The following ATP2C2 variants were observed in gnomAD, a reference collection of about 807,000 sequenced individuals.
ATP2C2 encodes the protein calcium-transporting ATPase type 2C member 2.
ATP2C2 carries 171 observed loss-of-function variants against 110.8 expected under a neutral mutation model. The observed-to-expected ratio is 1.54, with a 90% CI of 1.36 to 1.75. The LOEUF is 1.75. Among genes scored for constraint, ATP2C2 ranks in the 40% most tolerant of loss-of-function variants. The probability of loss-of-function intolerance (pLI) is 0.00; values close to 1 mark genes in which losing one functional copy is unlikely to be tolerated. For missense variants in ATP2C2, 1,963 were observed against 1,235.0 expected (o/e 1.59, Z -8.84); for synonymous variants, 804 against 508.4 (o/e 1.58, Z -7.82).
Position 84,463,948 on chromosome 16 carries a change from AG to A in ATP2C2, c.*220del. The A allele has an allele frequency of 3.6e-6, 2 of 551,190 alleles. No homozygotes were observed. Among genetic ancestry groups the A allele is most frequent in the Non-Finnish European group, 6.5e-6 (2 of 307,826 alleles). 34.1% of individuals were successfully genotyped at this position (551,190 alleles called of 1,614,324 possible). ...CCCGCTGGCTGTGGGACAGACAGGG[AG>A]GGGCCTGTACAGAAACACCACACTG... On this transcript the variant is annotated 3_prime_UTR_variant, in exon 27 of 27. Coordinates refer to ENST00000262429, the MANE Select transcript of ATP2C2 (RefSeq NM_014861.4).
Position 84,453,137 on chromosome 16 carries a change from G to A in ATP2C2, c.1832-1G>A. On this transcript the variant is annotated splice_acceptor_variant, in intron 18 of 26. Coordinates refer to ENST00000262429, the MANE Select transcript of ATP2C2 (RefSeq NM_014861.4). LOFTEE classifies it high-confidence loss of function. ...GGCCCTCAGAACAGGTTCTTCTGAAGGAAGAAACATCGGCCTGTGCAACGG... is the reference window on the plus strand; with the variant it reads ...GGCCCTCAGAACAGGTTCTTCTGAAAGAAGAAACATCGGCCTGTGCAACGG... 6.2e-7 allele frequency: 1 copy of A among 1,608,004 alleles called. No individual in the cohort carries two copies.
intron 1 of ATP2C2, among the ~76,000 whole-genome samples, chr16:84,397,573 C>G (rs1012709657): frequency 6.9e-6 from 1 of 145,084 alleles, no homozygotes; most frequent in Non-Finnish European, 1.5e-5. Flanking sequence ...ATTCAGGAGG[C>G]TGAAGCAGGA....
At chr16:84,411,412 C>G (rs907348345) in intron 6 of ATP2C2, among the ~76,000 whole-genome samples, 1 of 152,192 alleles carries the variant, frequency 6.6e-6, no homozygotes, top group Non-Finnish European at 1.5e-5. Context: ...TTAATATCAT[C>G]TGCCCTGTCC....
intron 1 of ATP2C2, among the ~76,000 whole-genome samples, chr16:84,388,304 G>A (rs1904436578): frequency 6.6e-6 from 1 of 151,400 alleles, no homozygotes; most frequent in Non-Finnish European, 1.5e-5. Flanking sequence ...CAGCCTGGGT[G>A]AAAGAGCGAG....
chr16:84,386,923 T>C (rs528368329), intron 1 of ATP2C2, among the ~76,000 whole-genome samples: 2,133 of 73,382 alleles, frequency 0.029, 55 homozygotes, highest in African/African-American at 0.088. Context: ...TGTTTGTTTG[T>C]TTTGGTCCCT....
chr16:84,461,612 C>A, intron 24 of ATP2C2, 102 bp from the exon 25 acceptor site: 2 of 1,065,530 alleles, frequency 1.9e-6, no homozygotes, highest in Non-Finnish European at 2.9e-6. Flanking sequence ...TAAGTGGCTC[C>A]CAGCCATGCC....
chr16:84,429,081 T>C lies in ATP2C2; in HGVS notation c.986+3280T>C, dbSNP rs374361215. Among the ~76,000 whole-genome samples, 24 of 152,300 alleles carry C rather than the reference T, an allele frequency of 1.6e-4. No homozygotes were observed. The East Asian group carries it at 3.1e-3, about 20-fold the overall frequency. On this transcript the variant is annotated intron_variant, in intron 11 of 26. Transcript: ENST00000262429. ...TATTGAATGTAGGATGGTCTTGATCTCTAGTGAATTGGGGCTTTCTGGCTT... is the reference window on the plus strand; with the variant it reads ...TATTGAATGTAGGATGGTCTTGATCCCTAGTGAATTGGGGCTTTCTGGCTT...
intron 7 of ATP2C2, among the ~76,000 whole-genome samples, chr16:84,418,821 T>C (rs1433224362): frequency 1.3e-5 from 2 of 152,222 alleles, no homozygotes; most frequent in Non-Finnish European, 2.9e-5. Context: ...CTGTGGCAGA[T>C]GACCGCTTAC....
rs1259603787 is a variant in ATP2C2, at chr16:84,454,901, G to A, written c.2064G>A (p.Gly688=). The part of the protein sequence containing the change: ...DAVALKSADI[G]IAMGQTGTDV... ...TGGCCCTGAAGTCTGCAGACATTGGGATCGCCATGGGGCAGACAGGGACGG... is the reference window on the plus strand; with the variant it reads ...TGGCCCTGAAGTCTGCAGACATTGGAATCGCCATGGGGCAGACAGGGACGG... Residue 688 remains glycine, a synonymous_variant, in exon 21 of 27, where the codon GGG becomes GGA. Transcript: ENST00000262429. 6.2e-7 allele frequency: 1 copy of A among 1,613,950 alleles called. No homozygotes were observed. The highest frequency in any genetic ancestry group is 8.5e-7 in the Non-Finnish European group (1 of 1,180,000).
chr16:84,393,745 G>C (rs1904800969), intron 1 of ATP2C2, among the ~76,000 whole-genome samples: 1 of 151,716 alleles, frequency 6.6e-6, no homozygotes, highest in Admixed American at 6.6e-5. Context: ...CTATGGGTGT[G>C]GGGGGAGTGG....
At chr16:84,412,243 C>T (rs570467668) in intron 6 of ATP2C2, among the ~76,000 whole-genome samples, 2 of 151,454 alleles carry the variant, frequency 1.3e-5, no homozygotes, top group South Asian at 2.1e-4. Flanking sequence ...ATTTTTTAAA[C>T]CTGATTGTGT....
intron 1 of ATP2C2, among the ~76,000 whole-genome samples, chr16:84,383,131 G>T (rs1910681156): frequency 6.6e-6 from 1 of 152,204 alleles, no homozygotes; most frequent in Admixed American, 6.5e-5. Context: ...CTTGGGCACA[G>T]CTCAGTGGCC....
At position 84,463,862 on chromosome 16, in the gene ATP2C2, T is replaced by A; in HGVS notation, c.*130T>A. ...TCCATCACCGGATCAGTTTTTCCTCTTAGGAAAGCTGCAGGAACCTCGTGG... is the reference window on the plus strand; with the variant it reads ...TCCATCACCGGATCAGTTTTTCCTCATAGGAAAGCTGCAGGAACCTCGTGG... On this transcript the variant is annotated 3_prime_UTR_variant, in exon 27 of 27. Coordinates refer to ENST00000262429, the MANE Select transcript of ATP2C2 (RefSeq NM_014861.4). 1.2e-6 allele frequency: 1 copy of A among 833,510 alleles called. No homozygotes were observed. The highest frequency in any genetic ancestry group is 1.9e-6 in the Non-Finnish European group (1 of 521,304). 51.6% of individuals were successfully genotyped at this position (833,510 alleles called of 1,614,324 possible).
intron 2 of ATP2C2, among the ~76,000 whole-genome samples, chr16:84,401,478 T>G (rs1905317856): frequency 6.6e-6 from 1 of 152,102 alleles, no homozygotes; most frequent in African/African-American, 2.4e-5. Context: ...GTCCACCTCA[T>G]CTTTAATTCA....
chr16:84,400,428 G>A (rs141199948), intron 2 of ATP2C2, among the ~76,000 whole-genome samples: 5,683 of 151,530 alleles, frequency 0.038, 127 homozygotes, highest in East Asian at 0.063. Context: ...CTGGGTTCAC[G>A]CCATTCTTCT....
rs77965470 is a variant in ATP2C2, at chr16:84,431,801, C to G, written c.986+6000C>G. ...ACGCCACGCCAGGCTGTCTCTGTGA[C>G]ACTTTGGAAGCAGAGAGATGAAAAG... On this transcript the variant is annotated intron_variant, in intron 11 of 26. Coordinates refer to ENST00000262429, the MANE Select transcript of ATP2C2 (RefSeq NM_014861.4). Among the ~76,000 whole-genome samples the G allele has an allele frequency of 5.0e-3, 764 of 152,198 alleles. 17 individuals are homozygous for G. The highest frequency in any genetic ancestry group is 0.04 in the Admixed American group (614 of 15,290).
In ATP2C2 at chr16:84,417,779, C is replaced by T. The variant is rs8061865; in HGVS notation, c.624+2188C>T. Among the ~76,000 whole-genome samples, 1,138 of 152,346 alleles carry T rather than the reference C, an allele frequency of 7.5e-3. 16 individuals carry two copies. Among genetic ancestry groups the T allele is most frequent in the African/African-American group, 0.026 (1,093 of 41,576 alleles). ...TACCACGAAGGTTATTTTAAGGCTA[C>T]TGGCTGTGAACACTCTATGGATTTT... On this transcript the variant is annotated intron_variant, in intron 7 of 26. Transcript: ENST00000262429.
chr16:84,404,210 C>T (rs547368218), intron 2 of ATP2C2, among the ~76,000 whole-genome samples: 1 of 152,324 alleles, frequency 6.6e-6, no homozygotes, highest in East Asian at 1.9e-4. Flanking sequence ...CATTCCTTCC[C>T]CCAGATTATA....
intron 3 of ATP2C2, chr16:84,406,784 C>A (rs902215706): frequency 8.4e-6 from 3 of 356,540 alleles, no homozygotes; most frequent in African/African-American, 2.2e-5. Flanking sequence ...CTCCCCTCTG[C>A]GGCTGGAGAT....
Sources: allele counts gnomAD v4.1 joint callset (sites outside exome capture counted in the v4.1 genomes callset), GRCh38; gene constraint gnomAD v4.1.1; transcripts MANE v1.5; gene names NCBI Gene and HGNC (gene_info 2026-07-23, HGNC 2026-07-21).